FKTN: variants seen among roughly 807,000 people sequenced by gnomAD.
FKTN encodes the protein ribitol-5-phosphate transferase FKTN.
In FKTN, 47 loss-of-function variants were observed where a neutral mutation model predicts 58.6. The ratio of observed to expected loss-of-function variants is 0.80; its 90% CI spans 0.63 to 1.02. The LOEUF (loss-of-function observed/expected upper bound fraction) is 1.02, where lower values mean the gene tolerates loss of function less well. Among genes scored for constraint, FKTN ranks in the 50% least tolerant of loss-of-function variants. The pLI is 0.00. For missense variants in FKTN, 516 were observed against 537.3 expected, an observed-to-expected ratio of 0.96 and a Z score of 0.39; for synonymous variants, 178 against 191.9, an observed-to-expected ratio of 0.93 and a Z score of 0.60.
chr9:105,592,174 T>C (rs1192181926), intron 3 of FKTN, among the ~76,000 whole-genome samples: 1 of 152,250 alleles, frequency 6.6e-6, no homozygotes, highest in African/African-American at 2.4e-5. Flanking sequence ...ATTCCTCCCC[T>C]GAAAATAGAC....
rs574626895 is a variant in FKTN at position 105,607,926 on chromosome 9, A to T, written c.755A>T (p.Tyr252Phe). 4 of 1,611,890 alleles carry T rather than the reference A, an allele frequency of 2.5e-6. No individual in the cohort carries two copies. In the African/African-American group the frequency reaches 4.0e-5, roughly 16 times the overall value. Residue 252 changes from tyrosine (Y) to phenylalanine (F), a missense_variant, in exon 7 of 11, where the codon TAT (tyrosine) becomes TTT (phenylalanine). Transcript: ENST00000357998. ...CACTCTAGGTTTATTGAGTGTAGGT[A>T]TAAAGAAGCTCGAGCATTCTTTCAG... ...VPHSRFIECR[Y>F]KEARAFFQQY...
Position 105,638,747 on chromosome 9 carries a change from C to T in FKTN, c.*3483C>T. ...GAGTATCTAGTTTTTAGTATTTAAACTACTTTTAATTATTTATATTGATAC... is the reference window on the plus strand; with the variant it reads ...GAGTATCTAGTTTTTAGTATTTAAATTACTTTTAATTATTTATATTGATAC... On this transcript the variant is annotated 3_prime_UTR_variant, in exon 11 of 11. Coordinates refer to ENST00000357998, the MANE Select transcript of FKTN (RefSeq NM_001079802.2). The T allele has an allele frequency of 1.0e-6, 1 of 973,382 alleles. No individual in the cohort carries two copies. Among genetic ancestry groups the T allele is most frequent in the South Asian group, 4.8e-5 (1 of 21,042 alleles). 60.3% of individuals were successfully genotyped at this position (973,382 alleles called of 1,614,324 possible).
chr9:105,571,662 C>T (rs970623958), intron 1 of FKTN, among the ~76,000 whole-genome samples: 2 of 152,170 alleles, frequency 1.3e-5, no homozygotes, highest in African/African-American at 4.8e-5. Flanking sequence ...ATGGCCTACT[C>T]TGAGTGCCAC....
rs368598407 is a variant in FKTN, at chr9:105,601,321, A to G, written c.342A>G (p.Ala114=). 24 of 1,609,798 alleles carry G rather than the reference A, an allele frequency of 1.5e-5. No individual in the cohort carries two copies. In the African/African-American group the frequency reaches 2.8e-4, roughly 19 times the overall value. The part of the protein sequence containing the change: ...FCVPRDFTAF[A]LQYHLWKNEE... The stretch of plus-strand genomic sequence containing the variant: ...TTCCAAGAGACTTTACTGCATTTGC[A>G]CTGCAGTATCACCTATGGAAGAATG... Residue 114 remains alanine (A), a synonymous_variant, in exon 5 of 11, where the codon GCA becomes GCG. Coordinates refer to ENST00000357998, the MANE Select transcript of FKTN (RefSeq NM_001079802.2).
chr9:105,573,612 A>C (rs1228107301), intron 1 of FKTN, 43 bp from the exon 2 acceptor site: 1 of 152,012 alleles, frequency 6.6e-6, no homozygotes, highest in Non-Finnish European at 1.5e-5. Flanking sequence ...TGGACGACAA[A>C]GTGAGACCCT....
chr9:105,561,443 G>A lies in FKTN; in HGVS notation c.-181+3278G>A, dbSNP rs145686005. On this transcript the variant is annotated intron_variant, in intron 1 of 10. Transcript: ENST00000357998. ...TACTACAAAATCAATTGATGTTCAC[G>A]TAAGATAAATAAGGAAAAAAAATAA... 9.7e-4 allele frequency among the ~76,000 whole-genome samples: 148 copies of A among 152,000 alleles called. 1 individual carries two copies. Among genetic ancestry groups the A allele is most frequent in the Non-Finnish European group, 1.5e-3 (103 of 67,968 alleles).
chr9:105,599,474 G>C (rs1019015147), intron 4 of FKTN, among the ~76,000 whole-genome samples: 9 of 126,456 alleles, frequency 7.1e-5, no homozygotes, highest in African/African-American at 2.3e-4. Context: ...GTCAGGTTTT[G>C]CTTTTTTTTT....
intron 3 of FKTN, among the ~76,000 whole-genome samples, chr9:105,581,842 G>C (rs187849337): frequency 3.0e-4 from 45 of 152,176 alleles, no homozygotes; most frequent in African/African-American, 1.0e-3. Context: ...AGGACCCTCC[G>C]AGCCAGGTGT....
intron 3 of FKTN, among the ~76,000 whole-genome samples, chr9:105,592,764 T>C (rs1230801272): frequency 6.6e-6 from 1 of 151,676 alleles, no homozygotes; most frequent in Non-Finnish European, 1.5e-5. Context: ...ATAACAAAAG[T>C]GACTTTTTGC....
rs1349068845 is a variant in FKTN at position 105,636,332 on chromosome 9, G to C, written c.*1068G>C. 1 of 980,534 alleles carries C rather than the reference G, an allele frequency of 1.0e-6. No individual in the cohort carries two copies. Among genetic ancestry groups the C allele is most frequent in the Admixed American group, 6.1e-5 (1 of 16,288 alleles). The allele number at this position is 980,534 out of a possible 1,614,324, so 60.7% of individuals were successfully genotyped here. A position where few individuals can be genotyped will look rare whatever the true frequency, so the allele number is the denominator to read the frequency against. Reference sequence around the variant, plus strand: ...ATTTAAATGGCATGTAAACCTGCCTGTTTCTTCTCCTCTTCTAATATATCA... The same window carrying C: ...ATTTAAATGGCATGTAAACCTGCCTCTTTCTTCTCCTCTTCTAATATATCA... On this transcript the variant is annotated 3_prime_UTR_variant, in exon 11 of 11. Transcript: ENST00000357998.
chr9:105,615,517 T>C, intron 8 of FKTN, 110 bp downstream of exon 8: 2 of 1,037,296 alleles, frequency 1.9e-6, no homozygotes, highest in Non-Finnish European at 3.0e-6. Context: ...GTCATGTGTA[T>C]AGACAGAATA....
chr9:105,586,366 G>T (rs183056374), intron 3 of FKTN, among the ~76,000 whole-genome samples: 6 of 152,128 alleles, frequency 3.9e-5, no homozygotes, highest in African/African-American at 7.2e-5. Flanking sequence ...GTCTGTGGGC[G>T]CCAACTTTCA....
chr9:105,612,104 G>A (rs1192656239), intron 7 of FKTN, among the ~76,000 whole-genome samples: 3 of 151,650 alleles, frequency 2.0e-5, no homozygotes, highest in African/African-American at 7.3e-5. Context: ...GTATCGTATT[G>A]TTTTTTATTG....
intron 3 of FKTN, among the ~76,000 whole-genome samples, chr9:105,591,037 C>T (rs923136880): frequency 1.3e-5 from 2 of 152,094 alleles, no homozygotes; most frequent in Non-Finnish European, 2.9e-5. Context: ...ACAAGAATAG[C>T]ACCAAGAGGA....
In FKTN at chr9:105,636,278, C is replaced by T. The variant is rs185057888; in HGVS notation, c.*1014C>T. 1.5e-4 allele frequency: 139 copies of T among 954,364 alleles called. No individual in the cohort carries two copies. The African/African-American group carries it at 2.2e-3, about 15-fold the overall frequency. 59.1% of individuals were successfully genotyped at this position (954,364 alleles called of 1,614,324 possible). On this transcript the variant is annotated 3_prime_UTR_variant, in exon 11 of 11. Coordinates refer to ENST00000357998, the MANE Select transcript of FKTN (RefSeq NM_001079802.2). ...TATCTTCATTTATCAATTACAGCTT[C>T]GTATCTCTAATTTATGGTCTATATA...
chr9:105,612,217 TG>T (rs1830053770), intron 7 of FKTN, among the ~76,000 whole-genome samples: 1 of 152,092 alleles, frequency 6.6e-6, no homozygotes, highest in Admixed American at 6.5e-5. Flanking sequence ...CACTTTTTAA[TG>T]GGGTTGTTTG....
chr9:105,625,076 T>C (rs1394670001), intron 10 of FKTN, among the ~76,000 whole-genome samples: 1 of 152,184 alleles, frequency 6.6e-6, no homozygotes, highest in Non-Finnish European at 1.5e-5. Context: ...AGGCAGAGCA[T>C]AGAAGTCTGA....
At chr9:105,623,583 T>C (rs572294957) in intron 10 of FKTN, among the ~76,000 whole-genome samples, 10 of 152,348 alleles carry the variant, frequency 6.6e-5, no homozygotes, top group African/African-American at 2.4e-4. Flanking sequence ...CTTCTGATTA[T>C]TGGATAGATC....
chr9:105,598,912 A>G (rs887208676), intron 4 of FKTN, among the ~76,000 whole-genome samples: 1 of 147,684 alleles, frequency 6.8e-6, no homozygotes, highest in Non-Finnish European at 1.5e-5. Context: ...TATAAAGCAC[A>G]GAAAGTAATA....
Sources: gnomAD v4.1 joint callset for allele counts (sites outside exome capture counted in the v4.1 genomes callset) on GRCh38, gnomAD v4.1.1 for gene constraint, MANE v1.5 for transcripts, NCBI Gene and HGNC (gene_info 2026-07-23, HGNC 2026-07-21) for gene names.